Variants in NKX6-3 observed in about 807,000 individuals in gnomAD.
The protein encoded by NKX6-3 is NK6 homeobox 3.
Under a neutral mutation model 22.0 loss-of-function variants are expected in NKX6-3, and 17 were observed. The ratio of observed to expected loss-of-function variants is 0.77; its 90% CI spans 0.53 to 1.16. The LOEUF (loss-of-function observed/expected upper bound fraction) is 1.16, where lower values mean the gene tolerates loss of function less well. Among genes scored for constraint, NKX6-3 ranks in the 50% most tolerant of loss-of-function variants. The pLI is 0.00. For missense variants in NKX6-3, 363 were observed against 359.0 expected (o/e 1.01, Z -0.09); for synonymous variants, 177 against 167.2 (o/e 1.06, Z -0.45).
chr8:41,647,243 T>C, intron 2 of NKX6-3: 2 of 1,611,712 alleles, frequency 1.2e-6, no homozygotes, highest in Non-Finnish European at 1.7e-6. Context: ...CCCCCAGCTC[T>C]CGCCCCAGGG....
Position 41,646,555 on chromosome 8 carries a change from T to C in NKX6-3, c.692A>G (p.Tyr231Cys), listed in dbSNP as rs753704038. 1.2e-6 allele frequency: 2 copies of C among 1,609,940 alleles called. No individual in the cohort carries two copies. The highest frequency in any genetic ancestry group is 1.1e-5 in the South Asian group (1 of 90,516). ...RAPSENEDDE[Y>C]NKPLDPDSDD... ...CGAGTCGGGGTCCAGCGGCTTGTTG[T>C]ACTCGTCGTCCTCGTTCTCCGAGGG... Residue 231 changes from tyrosine (Y) to cysteine (C), a missense_variant, in exon 3 of 3, where the codon TAC becomes TGC. By Grantham distance (194) the Tyr-to-Cys change is radical. This residue lies in a region of NKX6-3 where 169 missense variants were observed against 155.8 expected (regional missense o/e 1.08). Coordinates refer to ENST00000518699, the MANE Select transcript of NKX6-3 (RefSeq NM_001364841.2).
At position 41,650,472 on chromosome 8, in the gene NKX6-3, C is replaced by A; in HGVS notation, c.21G>T (p.Gly7=). Reference sequence around the variant, plus strand: ...GCGGCGTGTTGTTCAGCAGGAACGTCCCCTGCAGGTTGGACTCCATGATCT... The same window carrying A: ...GCGGCGTGTTGTTCAGCAGGAACGTACCCTGCAGGTTGGACTCCATGATCT... MESNLQ[G]TFLLNNTPLA... Residue 7 remains glycine (G), a synonymous_variant, in exon 1 of 3, where the codon GGG becomes GGT. Coordinates refer to ENST00000518699, the MANE Select transcript of NKX6-3 (RefSeq NM_001364841.2). 6.5e-7 allele frequency: 1 copy of A among 1,535,574 alleles called. No individual in the cohort carries two copies. The highest frequency in any genetic ancestry group is 8.7e-7 in the Non-Finnish European group (1 of 1,146,808).
At chr8:41,650,061 C>G (rs1330053528) in intron 1 of NKX6-3, 50 bp downstream of exon 1, 1 of 1,495,520 alleles carries the variant, frequency 6.7e-7, no homozygotes, top group Admixed American at 2.1e-5. Flanking sequence ...TCCTCTGCCC[C>G]CCGGGGCCTG....
chr8:41,646,539 G>A lies in NKX6-3; in HGVS notation c.708C>T (p.Asp236=), dbSNP rs1416278999. The A allele has an allele frequency of 6.8e-6, 11 of 1,612,026 alleles. No homozygotes were observed. In the Middle Eastern group the frequency reaches 4.9e-4, roughly 72 times the overall value. Residue 236 remains aspartate (D), a synonymous_variant, in exon 3 of 3, where the codon GAC becomes GAT. Coordinates refer to ENST00000518699, the MANE Select transcript of NKX6-3 (RefSeq NM_001364841.2). ...GGATCTTCTCGTCGTCCGAGTCGGGGTCCAGCGGCTTGTTGTACTCGTCGT... is the reference window on the plus strand; with the variant it reads ...GGATCTTCTCGTCGTCCGAGTCGGGATCCAGCGGCTTGTTGTACTCGTCGT... ...NEDDEYNKPL[D]PDSDDEKIRL...
chr8:41,647,999 A>T, intron 2 of NKX6-3, 67 bp downstream of exon 2: 2 of 1,405,142 alleles, frequency 1.4e-6, no homozygotes, highest in Non-Finnish European at 9.5e-7. Context: ...CCTCTCTCCA[A>T]CGCAGTGGCC....
Position 41,650,126 on chromosome 8 carries a change from G to T in NKX6-3, c.367C>A (p.Arg123=), listed in dbSNP as rs1051478391. The T allele has an allele frequency of 1.3e-5, 20 of 1,534,912 alleles. No homozygotes were observed. The Admixed American group carries it at 3.1e-4, about 24-fold the overall frequency. ...CCGTACTCACTGTTGCTGCACTGCC[G>T]CCCGCCTCGCCAGTCTTGGCCCGTG... ...ADTGQDWRGG[R]QCSNTPDPLS... The change falls in exon 1 of 3, where the codon CGG becomes AGG. Residue 123 remains arginine, a synonymous_variant. Coordinates refer to ENST00000518699, the MANE Select transcript of NKX6-3 (RefSeq NM_001364841.2).
rs1430333462 is a variant in NKX6-3, at chr8:41,650,180, G to T, written c.313C>A (p.Pro105Thr). 3.3e-6 allele frequency: 5 copies of T among 1,535,504 alleles called. No individual in the cohort carries two copies. The Admixed American group carries it at 5.9e-5, about 18-fold the overall frequency. Residue 105 changes from proline (P) to threonine (T), a missense_variant, in exon 1 of 3, where the codon CCG (proline) becomes ACG (threonine). By Grantham distance (38) the Pro-to-Thr change is conservative. Transcript: ENST00000518699. ...GCCCAGCAGTTCCGGGTCCGGGTCG[G>T]GTACTCGTTCCCAGCCTTGGAAAAA... ...GNFSKAGNEYPTRTRNCWADT... is the reference protein window; with the variant it reads ...GNFSKAGNEYTTRTRNCWADT...
At position 41,647,298 on chromosome 8, in the gene NKX6-3, G is replaced by A. The variant is rs1275182532; in HGVS notation, c.553-604C>T. The A allele has an allele frequency of 7.5e-6, 12 of 1,599,650 alleles. No individual in the cohort carries two copies. In the South Asian group the frequency reaches 1.1e-4, roughly 15 times the overall value. On this transcript the variant is annotated intron_variant, in intron 2 of 2. Coordinates refer to ENST00000518699, the MANE Select transcript of NKX6-3 (RefSeq NM_001364841.2). ...GAGGGCGCAGCGGGTTGGAGCTCGG[G>A]GAGGCCCCAGGGCCCTGAGCAAAGC...
intron 1 of NKX6-3, 92 bp from the exon 2 acceptor site, chr8:41,648,327 C>T (rs949933664): frequency 6.2e-6 from 7 of 1,123,750 alleles, no homozygotes; most frequent in Admixed American, 4.8e-5. Flanking sequence ...GCCTGCCCCT[C>T]TCCCTCCTGC....
rs770102893 is a variant in NKX6-3 at position 41,646,515 on chromosome 8, G to T, written c.732C>A (p.Ile244=). 2 of 1,612,234 alleles carry T rather than the reference G, an allele frequency of 1.2e-6. No homozygotes were observed. The highest frequency in any genetic ancestry group is 2.2e-5 in the East Asian group (1 of 44,784). The change falls in exon 3 of 3, where the codon ATC becomes ATA. Residue 244 remains isoleucine (I), a synonymous_variant. Transcript: ENST00000518699. ...PLDPDSDDEK[I]RLLLRKHRAA... ...CGCGGTGCTTGCGCAGCAGCAGGCG[G>T]ATCTTCTCGTCGTCCGAGTCGGGGT...
chr8:41,646,429 C>A lies in NKX6-3; in HGVS notation c.*20G>T. ...CCCCCCGCAGGCTGCAGCCAGGATC[C>A]CGGGCCTGGACGGCGGGCGTCAGAC... On this transcript the variant is annotated 3_prime_UTR_variant, in exon 3 of 3. Coordinates refer to ENST00000518699, the MANE Select transcript of NKX6-3 (RefSeq NM_001364841.2). 4 of 1,577,826 alleles carry A rather than the reference C, an allele frequency of 2.5e-6. No individual in the cohort carries two copies. The highest frequency in any genetic ancestry group is 3.4e-6 in the Non-Finnish European group (4 of 1,166,010).
rs997459757 is a variant in NKX6-3, at chr8:41,650,226, G to A, written c.267C>T (p.Tyr89=). 6.5e-7 allele frequency: 1 copy of A among 1,533,962 alleles called. No homozygotes were observed. Reference sequence around the variant, plus strand: ...AAAAATTCCCTACCTGGGGGCTGTAGTAGACCCCCTGCGAGCTGAGCCCCC... The same window carrying A: ...AAAAATTCCCTACCTGGGGGCTGTAATAGACCCCCTGCGAGCTGAGCCCCC... ...GFGGLSSQGV[Y]YSPQVGNFSK... Residue 89 remains tyrosine, a synonymous_variant, in exon 1 of 3, where the codon TAC becomes TAT. Transcript: ENST00000518699.
chr8:41,646,716 A>C, intron 2 of NKX6-3, 22 bp from the exon 3 acceptor site: 1 of 1,532,946 alleles, frequency 6.5e-7, no homozygotes, highest in Non-Finnish European at 8.7e-7. Flanking sequence ...AAGAATGTGA[A>C]GGGCACAGGG....
rs957347546 is a variant in NKX6-3, at chr8:41,646,469, G to T, written c.778C>A (p.Leu260Met). The change falls in exon 3 of 3, where the codon CTG becomes ATG. Residue 260 changes from leucine to methionine, a missense_variant. By Grantham distance (15) the Leu-to-Met change is conservative. Coordinates refer to ENST00000518699, the MANE Select transcript of NKX6-3 (RefSeq NM_001364841.2). ...KHRAAFSVLSLGAHSV is the reference protein window; with the variant it reads ...KHRAAFSVLSMGAHSV Reference sequence around the variant, plus strand: ...GGGCGTCAGACGCTGTGCGCTCCCAGGCTGAGCACCGAGAAGGCGGCGCGG... The same window carrying T: ...GGGCGTCAGACGCTGTGCGCTCCCATGCTGAGCACCGAGAAGGCGGCGCGG... The T allele has an allele frequency of 1.7e-5, 27 of 1,604,382 alleles. No individual in the cohort carries two copies. The highest frequency in any genetic ancestry group is 2.0e-5 in the Non-Finnish European group (24 of 1,176,852).
At chr8:41,647,165 T>A in intron 2 of NKX6-3, 1 of 1,610,490 alleles carries the variant, frequency 6.2e-7, no homozygotes, top group Non-Finnish European at 8.5e-7. Context: ...GTCCATTGCT[T>A]GGGATAGTTG....
Position 41,646,591 on chromosome 8 carries a change from C to CCGCCTG in NKX6-3, c.650_655dup (p.Ala217_Gly218dup), listed in dbSNP as rs1237825896. On this transcript the variant is annotated inframe_insertion, in exon 3 of 3. Transcript: ENST00000518699. ...CTCGTTCTCCGAGGGTGCGCGGTCC[C>CCGCCTG]CGCCTGCGCCTGCACCCGCGCCGCC... The CCGCCTG allele has an allele frequency of 6.3e-7, 1 of 1,579,316 alleles. No homozygotes were observed. Among genetic ancestry groups the CCGCCTG allele is most frequent in the East Asian group, 2.3e-5 (1 of 42,670 alleles).
rs6981607 is a variant in NKX6-3, at chr8:41,650,649, A to C, written c.-157T>G. On this transcript the variant is annotated 5_prime_UTR_variant, in exon 1 of 3. Coordinates refer to ENST00000518699, the MANE Select transcript of NKX6-3 (RefSeq NM_001364841.2). ...GGCATGGGCCAGGCCCTGGCCCAGG[A>C]ACCGGCACCCGATCAGCTGCTCGGA... The C allele has an allele frequency of 0.59, 429,087 of 730,570 alleles. 127,131 individuals carry two copies. The highest frequency in any genetic ancestry group is 0.71 in the African/African-American group (39,771 of 55,810). The allele number at this position is 730,570 out of a possible 1,614,324, so 45.3% of individuals were successfully genotyped here. A position where few individuals can be genotyped will look rare whatever the true frequency, so the allele number is the denominator to read the frequency against.
intron 1 of NKX6-3, among the ~76,000 whole-genome samples, chr8:41,649,291 G>A (rs907411963): frequency 5.9e-5 from 9 of 152,138 alleles, no homozygotes; most frequent in Admixed American, 3.3e-4. Flanking sequence ...CCCCATTGGC[G>A]TAGGAGAGCC....
chr8:41,647,283 C>T (rs114744615), intron 2 of NKX6-3: 29 of 1,605,114 alleles, frequency 1.8e-5, no homozygotes, highest in East Asian at 6.7e-5. Flanking sequence ...GAGGGCGCAG[C>T]GGGTTGGAGC....
Sources: gnomAD v4.1 joint callset for allele counts (sites outside exome capture counted in the v4.1 genomes callset) on GRCh38, gnomAD v4.1.1 for gene constraint, gnomAD v4.1.1 regional missense constraint, MANE v1.5 for transcripts, NCBI Gene and HGNC (gene_info 2026-07-23, HGNC 2026-07-21) for gene names.